Variants in BEND6 observed in about 807,000 individuals in gnomAD.
The protein encoded by BEND6 is BEN domain-containing protein 6.
In BEND6, 24 loss-of-function variants were observed where a neutral mutation model predicts 31.8. That is an observed-to-expected ratio of 0.75 (90% CI 0.55 to 1.06). BEND6 has a LOEUF of 1.06. Ranked by LOEUF, BEND6 falls within the 50% of genes least tolerant of loss-of-function variation. The pLI, the probability that BEND6 is intolerant of heterozygous loss-of-function variation, is 0.00. For synonymous variants in BEND6, 109 were observed against 114.6 expected (o/e 0.95, Z 0.31); for missense variants, 294 against 327.4 (o/e 0.90, Z 0.79).
At chr6:57,021,965 G>A (rs944931730) in intron 6 of BEND6, among the ~76,000 whole-genome samples, 1 of 151,976 alleles carries the variant, frequency 6.6e-6, no homozygotes, top group African/African-American at 2.4e-5. Context: ...CAGAGGCCAG[G>A]GATGCTGCTA....
At position 56,976,805 on chromosome 6, in the gene BEND6, T is replaced by G. The variant is rs141232657; in HGVS notation, c.-100-4906T>G. 9.9e-3 allele frequency among the ~76,000 whole-genome samples: 1,507 copies of G among 152,274 alleles called. 23 individuals carry two copies. Among genetic ancestry groups the G allele is most frequent in the African/African-American group, 0.034 (1,427 of 41,554 alleles). On this transcript the variant is annotated intron_variant, in intron 1 of 6. Transcript: ENST00000370746. ...GCCTTGAATTACTGGCCTTAAGTGA[T>G]CCGCCTGCCTCAGCTTCCCAAAGTG...
At chr6:57,011,025 C>T (rs1293812418) in intron 3 of BEND6, 2 of 231,328 alleles carry the variant, frequency 8.6e-6, no homozygotes, top group Admixed American at 6.5e-5. Flanking sequence ...TTTACAAAAA[C>T]CATTTAAGTT....
chr6:56,976,936 A>G (rs1469770378), intron 1 of BEND6, among the ~76,000 whole-genome samples: 1 of 152,242 alleles, frequency 6.6e-6, no homozygotes, highest in East Asian at 1.9e-4. Context: ...TAGCCAACTA[A>G]GCACTCATCA....
rs752489669 is a variant in BEND6 at position 57,015,218 on chromosome 6, T to G, written c.384T>G (p.Ser128=). The change falls in exon 4 of 7, where the codon TCT becomes TCG. Residue 128 remains serine, a synonymous_variant. Coordinates refer to ENST00000370746, the MANE Select transcript of BEND6 (RefSeq NM_152731.3). Reference sequence around the variant, plus strand: ...AGGGTGGGGGAACCATGTCTACATCTGCATCCACCCTCTGGAGAGCAACAA... The same window carrying G: ...AGGGTGGGGGAACCATGTCTACATCGGCATCCACCCTCTGGAGAGCAACAA... ...LLKGGGTMST[S]ASTLWRATNN... 1 of 1,614,178 alleles carries G rather than the reference T, an allele frequency of 6.2e-7. No individual in the cohort carries two copies. The highest frequency in any genetic ancestry group is 2.2e-5 in the East Asian group (1 of 44,870).
Position 56,992,477 on chromosome 6 carries a change from A to G in BEND6, c.220A>G (p.Ile74Val), listed in dbSNP as rs760544105. Residue 74 changes from isoleucine (I) to valine (V), a missense_variant, in exon 3 of 7, where the codon ATA becomes GTA. Coordinates refer to ENST00000370746, the MANE Select transcript of BEND6 (RefSeq NM_152731.3). ...ELSKEELCAKIKSLKEKLTNT... is the reference protein window; with the variant it reads ...ELSKEELCAKVKSLKEKLTNT... ...GTCAAAGGAAGAATTGTGCGCCAAA[A>G]TAAAAAGCCTGAAAGAAAAACTAAC... is the stretch of plus-strand genomic sequence containing the variant. 1 of 1,614,242 alleles carries G rather than the reference A, an allele frequency of 6.2e-7. No homozygotes were observed. Among genetic ancestry groups the G allele is most frequent in the South Asian group, 1.1e-5 (1 of 91,086 alleles).
At chr6:56,994,512 G>C (rs184176888) in intron 3 of BEND6, among the ~76,000 whole-genome samples, 24 of 146,408 alleles carry the variant, frequency 1.6e-4, no homozygotes, top group Admixed American at 6.2e-4. Context: ...TGTAGACCTT[G>C]GTGTGAAGCC....
intron 3 of BEND6, among the ~76,000 whole-genome samples, chr6:56,993,217 T>G (rs1826575865): frequency 6.6e-6 from 1 of 152,238 alleles, no homozygotes; most frequent in African/African-American, 2.4e-5. Flanking sequence ...ATGTGTTTAT[T>G]TTTTCAAAAA....
chr6:56,992,386 A>G lies in BEND6; in HGVS notation c.129A>G (p.Pro43=), dbSNP rs1180609095. ...NSDMDKGQRD[P]YSGNAFLPGE... is the part of the protein sequence containing the mutation. The stretch of plus-strand genomic sequence containing the variant: ...CCTGCCTTCTATTTTAGAGAGACCC[A>G]TATTCGGGAAATGCCTTTCTGCCTG... The change falls in exon 3 of 7, where the codon CCA becomes CCG. Residue 43 remains proline (P), a synonymous_variant. Coordinates refer to ENST00000370746, the MANE Select transcript of BEND6 (RefSeq NM_152731.3). 2 of 1,607,958 alleles carry G rather than the reference A, an allele frequency of 1.2e-6. No individual in the cohort carries two copies. The highest frequency in any genetic ancestry group is 1.3e-5 in the African/African-American group (1 of 74,318).
At chr6:57,013,744 G>A (rs1827429893) in intron 3 of BEND6, 1 of 152,282 alleles carries the variant, frequency 6.6e-6, no homozygotes, top group Admixed American at 6.5e-5. Context: ...CTTTGAGCAG[G>A]GCAAAATTCT....
rs116333433 is a variant in BEND6, at chr6:57,018,197, C to T, written c.713-224C>T. ...TAGGAGGATTAAAGTTAATCACTAC[C>T]ATAGGATCTCAGTTGATAATATAGA... On this transcript the variant is annotated intron_variant, in intron 5 of 6. Transcript: ENST00000370746. 8.1e-3 allele frequency among the ~76,000 whole-genome samples: 1,238 copies of T among 152,246 alleles called. 15 individuals carry two copies. Among genetic ancestry groups the T allele is most frequent in the African/African-American group, 0.029 (1,186 of 41,540 alleles).
intron 3 of BEND6, 59 bp downstream of exon 3, chr6:56,992,614 G>A: frequency 1.3e-6 from 2 of 1,503,202 alleles, no homozygotes; most frequent in Non-Finnish European, 1.8e-6. Context: ...TCAGTGGAAA[G>A]TATTGCAAAT....
chr6:56,980,389 A>G (rs905752327), intron 1 of BEND6, among the ~76,000 whole-genome samples: 8 of 152,140 alleles, frequency 5.3e-5, no homozygotes, highest in Admixed American at 1.3e-4. Flanking sequence ...GGGTTTCACC[A>G]TGTTGCCTAG....
intron 3 of BEND6, among the ~76,000 whole-genome samples, chr6:56,994,145 T>A (rs1021388353): frequency 6.6e-6 from 1 of 152,162 alleles, no homozygotes; most frequent in Non-Finnish European, 1.5e-5. Context: ...TTTATAAAAT[T>A]AGCATGAATT....
chr6:57,014,585 C>T, intron 3 of BEND6: 1 of 1,231,392 alleles, frequency 8.1e-7, no homozygotes, highest in Non-Finnish European at 1.1e-6. Context: ...CAAAATTCAT[C>T]TTTAATATAT....
At chr6:57,015,393 C>A in intron 4 of BEND6, 40 bp downstream of exon 4, 1 of 1,514,192 alleles carries the variant, frequency 6.6e-7, no homozygotes, top group Non-Finnish European at 9.0e-7. Context: ...TTGGAATATG[C>A]TTAAATAAAA....
In BEND6 at chr6:56,982,165, C is replaced by T. The variant is rs191835159; in HGVS notation, c.120+235C>T. 2.3e-3 allele frequency among the ~76,000 whole-genome samples: 350 copies of T among 152,280 alleles called. 4 individuals are homozygous for T. The highest frequency in any genetic ancestry group is 7.9e-3 in the African/African-American group (328 of 41,560). ...CAAATTCCTAGGCTTAAGTGATCCT[C>T]CCACGTCAGCCTCTCAAAGTGCTGG... is the stretch of plus-strand genomic sequence containing the variant. On this transcript the variant is annotated intron_variant, in intron 2 of 6. Coordinates refer to ENST00000370746, the MANE Select transcript of BEND6 (RefSeq NM_152731.3).
chr6:56,966,539 T>C (rs975476714), intron 1 of BEND6, among the ~76,000 whole-genome samples: 1 of 152,240 alleles, frequency 6.6e-6, no homozygotes, highest in African/African-American at 2.4e-5. Context: ...TTGCATTTAC[T>C]TTCTTGTGCA....
chr6:57,017,402 G>A lies in BEND6; in HGVS notation c.712+3G>A. On this transcript the variant is annotated splice_donor_region_variant and intron_variant, in intron 5 of 6. Transcript: ENST00000370746. ...GAATGAAGTCCAAGAAATCATAGGTGATAATATGATTGCGTTATATTGTCG... is the reference window on the plus strand; with the variant it reads ...GAATGAAGTCCAAGAAATCATAGGTAATAATATGATTGCGTTATATTGTCG... The A allele has an allele frequency of 7.5e-7, 1 of 1,341,692 alleles. No homozygotes were observed. Among genetic ancestry groups the A allele is most frequent in the Non-Finnish European group, 9.6e-7 (1 of 1,036,432 alleles). The allele number at this position is 1,341,692 out of a possible 1,614,324, so 83.1% of individuals were successfully genotyped here.
intron 1 of BEND6, among the ~76,000 whole-genome samples, chr6:56,976,396 C>T (rs547916768): frequency 3.8e-4 from 58 of 151,972 alleles, no homozygotes; most frequent in African/African-American, 1.3e-3. Flanking sequence ...AATGTTTCAC[C>T]GTGTTAGCCA....
Sources: gnomAD v4.1 joint callset for allele counts (sites outside exome capture counted in the v4.1 genomes callset) on GRCh38, gnomAD v4.1.1 for gene constraint, MANE v1.5 for transcripts, NCBI Gene and HGNC (gene_info 2026-07-23, HGNC 2026-07-21) for gene names.